Variants in GRIK2 observed in about 807,000 individuals in gnomAD.
GRIK2 encodes glutamate ionotropic receptor kainate type subunit 2, also known as glutamate receptor ionotropic, kainate 2.
A neutral mutation model predicts 100.3 loss-of-function variants in GRIK2; 32 were observed. That is an observed-to-expected ratio of 0.32 (90% CI 0.24 to 0.43). GRIK2 has a LOEUF of 0.43. GRIK2 is among the 20% of genes least tolerant of loss of function. GRIK2 has a pLI of 1.00. For missense variants in GRIK2, 843 were observed against 1,114.9 expected, an observed-to-expected ratio of 0.76 and a Z score of 3.47; for synonymous variants, 417 against 389.4, an observed-to-expected ratio of 1.07 and a Z score of -0.83.
At chr6:101,423,458 G>T (rs796943235) in intron 2 of GRIK2, among the ~76,000 whole-genome samples, 208 of 152,114 alleles carry the variant, frequency 1.4e-3, no homozygotes, top group African/African-American at 4.5e-3. Flanking sequence ...GACAGCACTT[G>T]TTTTTTTATG....
intron 11 of GRIK2, among the ~76,000 whole-genome samples, chr6:101,885,094 C>T (rs971400030): frequency 2.0e-5 from 3 of 152,070 alleles, no homozygotes; most frequent in African/African-American, 7.2e-5. Context: ...TGAGACAATA[C>T]AGTTACAATA....
intron 2 of GRIK2, among the ~76,000 whole-genome samples, chr6:101,454,590 G>T (rs768147114): frequency 2.6e-5 from 4 of 152,166 alleles, no homozygotes; most frequent in Non-Finnish European, 5.9e-5. Context: ...GTCCAGCCAT[G>T]AGACTGCTTG....
At chr6:101,937,750 T>A (rs1312431220) in intron 14 of GRIK2, among the ~76,000 whole-genome samples, 3 of 152,074 alleles carry the variant, frequency 2.0e-5, no homozygotes, top group African/African-American at 7.2e-5. Flanking sequence ...ATTGTGGCTA[T>A]GAAATATCTA....
chr6:102,066,970 A>T (rs1380700490), intron 16 of GRIK2, among the ~76,000 whole-genome samples: 2 of 151,668 alleles, frequency 1.3e-5, no homozygotes, highest in Non-Finnish European at 3.0e-5. Flanking sequence ...ATAAAACTAG[A>T]TATATCAGGA....
At chr6:101,567,952 A>G (rs1484348608) in intron 2 of GRIK2, among the ~76,000 whole-genome samples, 2 of 151,988 alleles carry the variant, frequency 1.3e-5, no homozygotes, top group Non-Finnish European at 2.9e-5. Context: ...TAGATGTAGA[A>G]TACAAAGGCA....
intron 14 of GRIK2, among the ~76,000 whole-genome samples, chr6:101,965,061 G>A (rs1792571515): frequency 6.6e-6 from 1 of 152,140 alleles, no homozygotes; most frequent in Non-Finnish European, 1.5e-5. Context: ...TCTGGATTGA[G>A]GCATTTGGGT....
chr6:101,463,590 T>C (rs1169301806), intron 2 of GRIK2, among the ~76,000 whole-genome samples: 1 of 152,162 alleles, frequency 6.6e-6, no homozygotes, highest in African/African-American at 2.4e-5. Flanking sequence ...GTTCTTAAAA[T>C]CAATTTTAAT....
chr6:101,889,621 TGTTTG>T lies in GRIK2; in HGVS notation c.1525-18_1525-14del. ...TCTTTCTTTCTTTTTTTTTTTTTTT[TGTTTG>T]TTTCTGTCTACAGAAAGCTGACCTT... is the stretch of plus-strand genomic sequence containing the variant. On this transcript the variant is annotated splice_polypyrimidine_tract_variant and intron_variant, in intron 11 of 16. Coordinates refer to ENST00000369134, the MANE Select transcript of GRIK2 (RefSeq NM_021956.5). 3.8e-6 allele frequency: 4 copies of T among 1,058,444 alleles called. No individual in the cohort carries two copies. Among genetic ancestry groups the T allele is most frequent in the Non-Finnish European group, 4.0e-6 (3 of 747,118 alleles). The allele number at this position is 1,058,444 out of a possible 1,614,324, so 65.6% of individuals were successfully genotyped here. A position where few individuals can be genotyped will look rare whatever the true frequency, so the allele number is the denominator to read the frequency against.
intron 14 of GRIK2, among the ~76,000 whole-genome samples, chr6:101,934,485 G>A (rs2128473610): frequency 1.3e-5 from 2 of 151,970 alleles, no homozygotes; most frequent in South Asian, 4.1e-4. Context: ...TATATGTTTT[G>A]AAGTCTGAAT....
intron 9 of GRIK2, among the ~76,000 whole-genome samples, chr6:101,806,910 C>A (rs1254787759): frequency 6.6e-6 from 1 of 151,646 alleles, no homozygotes; most frequent in East Asian, 1.9e-4. Flanking sequence ...AAAGGGCTAT[C>A]TCCCTAGCCA....
Position 101,622,000 on chromosome 6 carries a change from C to G in GRIK2, c.167C>G (p.Ala56Gly). Residue 56 changes from alanine (A) to glycine (G), a missense_variant, in exon 3 of 17, where the codon GCA becomes GGA. Ala to Gly is a moderately conservative substitution (Grantham distance 60). Around this residue, in one of 3 missense-constraint regions of GRIK2, gnomAD observed 519 missense variants for 643.8 expected, o/e 0.81. Coordinates refer to ENST00000369134, the MANE Select transcript of GRIK2 (RefSeq NM_021956.5). ...GGCCCAATGGGAGCTGAGGAACTTG[C>G]ATTCAGATTTGCTGTGAACACAATT... ...ESGPMGAEELAFRFAVNTINR... is the reference protein window; with the variant it reads ...ESGPMGAEELGFRFAVNTINR... 6.2e-7 allele frequency: 1 copy of G among 1,608,440 alleles called. No individual in the cohort carries two copies. The highest frequency in any genetic ancestry group is 8.5e-7 in the Non-Finnish European group (1 of 1,175,044).
Position 101,436,003 on chromosome 6 carries a change from G to A in GRIK2, c.115+36611G>A, listed in dbSNP as rs144118732. Among the ~76,000 whole-genome samples the A allele has an allele frequency of 6.0e-3, 912 of 151,928 alleles. 6 individuals are homozygous for A. Among genetic ancestry groups the A allele is most frequent in the African/African-American group, 0.021 (863 of 41,438 alleles). On this transcript the variant is annotated intron_variant, in intron 2 of 16. Coordinates refer to ENST00000369134, the MANE Select transcript of GRIK2 (RefSeq NM_021956.5). ...TTCATATGGAAATATTCAAATGTGC[G>A]CATATATATTTTTAAAAAGTTATAT...
chr6:102,046,408 A>C (rs1330393093), intron 15 of GRIK2, among the ~76,000 whole-genome samples: 1 of 152,050 alleles, frequency 6.6e-6, no homozygotes. Flanking sequence ...TAATTGGATC[A>C]TGGGGGCAGA....
chr6:101,812,693 A>T (rs1781408451), intron 9 of GRIK2, among the ~76,000 whole-genome samples: 1 of 152,036 alleles, frequency 6.6e-6, no homozygotes, highest in African/African-American at 2.4e-5. Context: ...ATATAATATG[A>T]TACTTATTGT....
In GRIK2 at chr6:101,831,473, C is replaced by T. The variant is rs1171697111; in HGVS notation, c.1317+12990C>T. ...CTAATTAGGGATGGCAGAATTCAGG[C>T]TTGAAGAGCCACAGTGAATAGGAGG... On this transcript the variant is annotated intron_variant, in intron 10 of 16. Transcript: ENST00000369134. 2.0e-5 allele frequency among the ~76,000 whole-genome samples: 3 copies of T among 152,018 alleles called. No individual in the cohort carries two copies. The East Asian group carries it at 5.8e-4, about 29-fold the overall frequency.
At chr6:101,688,991 TA>T (rs1378570045) in intron 7 of GRIK2, among the ~76,000 whole-genome samples, 1 of 152,004 alleles carries the variant, frequency 6.6e-6, no homozygotes, top group East Asian at 1.9e-4. Context: ...GTTATTAAAA[TA>T]AAACCAATTG....
chr6:101,638,026 C>T lies in GRIK2; in HGVS notation c.541+11389C>T, dbSNP rs1003671615. Among the ~76,000 whole-genome samples, 28 of 151,766 alleles carry T rather than the reference C, an allele frequency of 1.8e-4. 1 individual carries two copies. The highest frequency in any genetic ancestry group is 6.8e-4 in the African/African-American group (28 of 41,328). On this transcript the variant is annotated intron_variant, in intron 4 of 16. Transcript: ENST00000369134. ...ATATTATTTCTTGATGCAAGAGTTA[C>T]TTTAGTAGATAAAATAGTTCATCTT...
intron 10 of GRIK2, among the ~76,000 whole-genome samples, chr6:101,852,280 T>G (rs1350903738): frequency 6.6e-6 from 1 of 152,128 alleles, no homozygotes; most frequent in African/African-American, 2.4e-5. Flanking sequence ...CCTACATGCT[T>G]TATTTTTTTC....
chr6:101,908,872 A>C (rs1360152064), intron 12 of GRIK2, among the ~76,000 whole-genome samples: 1 of 151,368 alleles, frequency 6.6e-6, no homozygotes, highest in Non-Finnish European at 1.5e-5. Context: ...TGGAATGAAA[A>C]GGTGTTTTTA....
Sources: allele counts gnomAD v4.1 joint callset (sites outside exome capture counted in the v4.1 genomes callset), GRCh38; gene constraint gnomAD v4.1.1; regional missense constraint gnomAD v4.1.1; transcripts MANE v1.5; gene names NCBI Gene and HGNC (gene_info 2026-07-23, HGNC 2026-07-21).